Variants in LCLAT1 observed in about 807,000 individuals in gnomAD.
LCLAT1 encodes the protein 1-AGP acyltransferase 8.
Under a neutral mutation model 30.7 loss-of-function variants are expected in LCLAT1, and 11 were observed. That is an observed-to-expected ratio of 0.36 (90% CI 0.23 to 0.59). The LOEUF is 0.59. Among genes scored for constraint, LCLAT1 ranks in the 20% least tolerant of loss-of-function variants. The pLI, the probability that LCLAT1 is intolerant of heterozygous loss-of-function variation, is 0.77. For missense variants in LCLAT1, 402 were observed against 458.6 expected (o/e 0.88, Z 1.13); for synonymous variants, 155 against 151.3 (o/e 1.02, Z -0.18).
chr2:30,538,120 A>C (rs529762217), intron 3 of LCLAT1, among the ~76,000 whole-genome samples: 2 of 152,284 alleles, frequency 1.3e-5, no homozygotes, highest in South Asian at 4.1e-4. Flanking sequence ...GCCTACATCA[A>C]AAAAGTAAAA....
rs1667386904 is a variant in LCLAT1 at position 30,605,293 on chromosome 2, G to C, written c.629-34824G>C. ...CAGCCCTTGCTTAGACCAGCTAAAG[G>C]TATAAACTTCATTTTCATCTCATTA... On this transcript the variant is annotated intron_variant, in intron 5 of 5. Coordinates refer to ENST00000379509, the MANE Select transcript of LCLAT1 (RefSeq NM_001002257.3). Among the ~76,000 whole-genome samples the C allele has an allele frequency of 2.6e-5, 4 of 152,170 alleles. No individual in the cohort carries two copies. The South Asian group carries it at 8.3e-4, about 31-fold the overall frequency.
chr2:30,560,511 G>A (rs921322500), intron 3 of LCLAT1, among the ~76,000 whole-genome samples: 2 of 151,600 alleles, frequency 1.3e-5, no homozygotes, highest in African/African-American at 4.8e-5. Context: ...GCTAATTTTT[G>A]TATTTTTGTA....
chr2:30,579,988 T>C (rs1666144031), intron 5 of LCLAT1, among the ~76,000 whole-genome samples: 1 of 152,194 alleles, frequency 6.6e-6, no homozygotes, highest in South Asian at 2.1e-4. Flanking sequence ...GCATGAATTA[T>C]GTTCAGTTAA....
chr2:30,456,539 C>T (rs1681846851), intron 1 of LCLAT1, among the ~76,000 whole-genome samples: 1 of 151,396 alleles, frequency 6.6e-6, no homozygotes, highest in African/African-American at 2.4e-5. Flanking sequence ...AGGCTCCCTA[C>T]ATGGCTTTTG....
intron 3 of LCLAT1, among the ~76,000 whole-genome samples, chr2:30,557,110 C>G (rs1043028165): frequency 2.6e-5 from 4 of 152,106 alleles, no homozygotes; most frequent in African/African-American, 9.7e-5. Context: ...TCTACTAACT[C>G]ATTGTATTTC....
At position 30,643,878 on chromosome 2, in the gene LCLAT1, C is replaced by G. The variant is rs1305342565; in HGVS notation, c.*3259C>G. On this transcript the variant is annotated 3_prime_UTR_variant, in exon 6 of 6. Transcript: ENST00000379509. ...GGAAATGGTCTCTAAACACTGGTCA[C>G]TGTAGCAGGTAAACACTACTCTAAC... 6.6e-6 allele frequency: 1 copy of G among 152,640 alleles called. No homozygotes were observed. The highest frequency in any genetic ancestry group is 6.5e-5 in the Admixed American group (1 of 15,286). 9.5% of individuals were successfully genotyped at this position (152,640 alleles called of 1,614,324 possible). A position where few individuals can be genotyped will look rare whatever the true frequency, so the allele number is the denominator to read the frequency against.
At chr2:30,618,020 T>C (rs188732035) in intron 5 of LCLAT1, among the ~76,000 whole-genome samples, 4 of 152,292 alleles carry the variant, frequency 2.6e-5, no homozygotes, top group Non-Finnish European at 4.4e-5. Flanking sequence ...CAGTTTATGA[T>C]TTGTGCTCTT....
rs567610025 is a variant in LCLAT1 at position 30,562,017 on chromosome 2, C to G, written c.365-129C>G. 4 of 527,420 alleles carry G rather than the reference C, an allele frequency of 7.6e-6. No homozygotes were observed. The East Asian group carries it at 1.2e-4, about 16-fold the overall frequency. The allele number at this position is 527,420 out of a possible 1,614,324, so 32.7% of individuals were successfully genotyped here. On this transcript the variant is annotated intron_variant, in intron 3 of 5. Transcript: ENST00000379509. ...ACCCAAGATCAGTGCTGAATTTATG[C>G]TATATCATGAAATGTTTACAATAAT...
At chr2:30,468,658 C>G (rs1041581171) in intron 1 of LCLAT1, among the ~76,000 whole-genome samples, 1 of 152,162 alleles carries the variant, frequency 6.6e-6, no homozygotes, top group Non-Finnish European at 1.5e-5. Context: ...TTTATCACCT[C>G]AAAGGAAACT....
At chr2:30,630,012 G>C (rs1008666119) in intron 5 of LCLAT1, among the ~76,000 whole-genome samples, 1 of 152,040 alleles carries the variant, frequency 6.6e-6, no homozygotes, top group African/African-American at 2.4e-5. Context: ...CACAGACTGA[G>C]ACTGAGTGAC....
intron 1 of LCLAT1, among the ~76,000 whole-genome samples, chr2:30,474,350 A>G (rs146780484): frequency 1.3e-5 from 2 of 152,356 alleles, no homozygotes; most frequent in African/African-American, 2.4e-5. Flanking sequence ...GAGGTGTGCT[A>G]TAAATCATGC....
chr2:30,482,455 T>G (rs968859664), intron 1 of LCLAT1, among the ~76,000 whole-genome samples: 3 of 152,190 alleles, frequency 2.0e-5, no homozygotes, highest in African/African-American at 7.2e-5. Context: ...TTTCCAAAAC[T>G]GTGTGGAAAG....
rs1474051408 is a variant in LCLAT1 at position 30,640,906 on chromosome 2, A to C, written c.*287A>C. Reference sequence around the variant, plus strand: ...TCAGGCTTTTAGCGACAAGGAACACACACATTTTTCTTAAAGGCCCAATCC... The same window carrying C: ...TCAGGCTTTTAGCGACAAGGAACACCCACATTTTTCTTAAAGGCCCAATCC... On this transcript the variant is annotated 3_prime_UTR_variant, in exon 6 of 6. Coordinates refer to ENST00000379509, the MANE Select transcript of LCLAT1 (RefSeq NM_001002257.3). 4 of 319,322 alleles carry C rather than the reference A, an allele frequency of 1.3e-5. No homozygotes were observed. The highest frequency in any genetic ancestry group is 6.8e-5 in the South Asian group (2 of 29,572). The allele number at this position is 319,322 out of a possible 1,614,324, so 19.8% of individuals were successfully genotyped here.
At position 30,626,251 on chromosome 2, in the gene LCLAT1, C is replaced by T. The variant is rs185035521; in HGVS notation, c.629-13866C>T. On this transcript the variant is annotated intron_variant, in intron 5 of 5. Coordinates refer to ENST00000379509, the MANE Select transcript of LCLAT1 (RefSeq NM_001002257.3). ...TTTTAGGCTTTTGTTGTTTCATTTG[C>T]AGGGGTTTTGGCAACTTGTAAACAA... Among the ~76,000 whole-genome samples, 93 of 152,256 alleles carry T rather than the reference C, an allele frequency of 6.1e-4. 1 individual carries two copies. Among genetic ancestry groups the T allele is most frequent in the Admixed American group, 5.9e-3 (90 of 15,290 alleles).
At chr2:30,609,102 T>C (rs1001299004) in intron 5 of LCLAT1, among the ~76,000 whole-genome samples, 1 of 152,174 alleles carries the variant, frequency 6.6e-6, no homozygotes, top group African/African-American at 2.4e-5. Context: ...CCTGTTTATA[T>C]CTTGTCTGTG....
At chr2:30,606,014 A>G in intron 5 of LCLAT1, 1 of 1,295,832 alleles carries the variant, frequency 7.7e-7, no homozygotes, top group Non-Finnish European at 1.0e-6. Context: ...TCTGTTGATC[A>G]GGCAGGAGGC....
chr2:30,571,185 C>A (rs1271311368), intron 5 of LCLAT1, among the ~76,000 whole-genome samples: 1 of 152,186 alleles, frequency 6.6e-6, no homozygotes, highest in Non-Finnish European at 1.5e-5. Context: ...AGGATGTAAT[C>A]TTTCCACTAT....
At chr2:30,559,654 C>A (rs72858921) in intron 3 of LCLAT1, among the ~76,000 whole-genome samples, 1,880 of 152,232 alleles carry the variant, frequency 0.012, 31 homozygotes, top group African/African-American at 0.042. Flanking sequence ...GCCAAATTCT[C>A]ACACACCCTC....
At chr2:30,490,491 C>G (rs1439868710) in intron 1 of LCLAT1, among the ~76,000 whole-genome samples, 1 of 151,936 alleles carries the variant, frequency 6.6e-6, no homozygotes, top group Non-Finnish European at 1.5e-5. Context: ...GCACCTGGCC[C>G]GGGGCTACCC....
Sources: gnomAD v4.1 joint callset for allele counts (sites outside exome capture counted in the v4.1 genomes callset) on GRCh38, gnomAD v4.1.1 for gene constraint, MANE v1.5 for transcripts, NCBI Gene and HGNC (gene_info 2026-07-23, HGNC 2026-07-21) for gene names.